PHIP: variants seen among roughly 807,000 people sequenced by gnomAD.
PHIP encodes PH-interacting protein.
A neutral mutation model predicts 236.8 loss-of-function variants in PHIP; 54 were observed. The ratio of observed to expected loss-of-function variants is 0.23; its 90% CI spans 0.18 to 0.29. The LOEUF is 0.29. Among genes scored for constraint, PHIP ranks in the 10% least tolerant of loss-of-function variants. PHIP has a pLI of 1.00. For synonymous variants in PHIP, 756 were observed against 718.9 expected, an observed-to-expected ratio of 1.05 and a Z score of -0.83; for missense variants, 1,370 against 2,190.8, an observed-to-expected ratio of 0.63 and a Z score of 7.48.
At chr6:79,065,893 T>A (rs1162819618) in intron 4 of PHIP, among the ~76,000 whole-genome samples, 1 of 152,074 alleles carries the variant, frequency 6.6e-6, no homozygotes, top group Non-Finnish European at 1.5e-5. Context: ...ATATTCATAT[T>A]CTTCATAAAT....
chr6:78,946,177 A>G lies in PHIP; in HGVS notation c.4454T>C (p.Ile1485Thr), dbSNP rs1373850354. The G allele has an allele frequency of 6.2e-7, 1 of 1,613,948 alleles. No homozygotes were observed. ...TSAFSTPTRSIPPRHNAAQIN... is the reference protein window; with the variant it reads ...TSAFSTPTRSTPPRHNAAQIN... Reference sequence around the variant, plus strand: ...CTGAGCAGCATTGTGTCTTGGCGGTATTGATCGTGTAGGTGTAGAGAATGC... The same window carrying G: ...CTGAGCAGCATTGTGTCTTGGCGGTGTTGATCGTGTAGGTGTAGAGAATGC... Residue 1485 changes from isoleucine (I) to threonine (T), a missense_variant, in exon 38 of 40, where the codon ATA (isoleucine) becomes ACA (threonine). Physicochemically the swap from Ile to Thr is moderately conservative, Grantham distance 89 (BLOSUM62 -1). Transcript: ENST00000275034.
At chr6:79,060,858 C>T (rs773665449) in intron 4 of PHIP, 40 bp from the exon 5 acceptor site, 1 of 1,348,180 alleles carries the variant, frequency 7.4e-7, no homozygotes, top group Admixed American at 2.5e-5. Context: ...TTCAGTTTAT[C>T]ATTTTAATTT....
chr6:79,014,119 G>A (rs1351077473), intron 15 of PHIP, among the ~76,000 whole-genome samples: 2 of 145,900 alleles, frequency 1.4e-5, no homozygotes, highest in African/African-American at 5.0e-5. Context: ...CTTAAAGATA[G>A]CTAAAGCTAT....
chr6:79,039,830 T>G (rs1455050488), intron 7 of PHIP, among the ~76,000 whole-genome samples: 3 of 152,076 alleles, frequency 2.0e-5, no homozygotes, highest in Non-Finnish European at 4.4e-5. Context: ...TAAAAAACAT[T>G]AAAAGGCTAA....
intron 19 of PHIP, among the ~76,000 whole-genome samples, chr6:78,991,273 C>T (rs1373125854): frequency 6.6e-6 from 1 of 151,214 alleles, no homozygotes; most frequent in South Asian, 2.1e-4. Flanking sequence ...TGTGGTGATT[C>T]CTAGGGTAAT....
chr6:78,974,674 A>G (rs1334555135), intron 24 of PHIP, among the ~76,000 whole-genome samples: 1 of 152,238 alleles, frequency 6.6e-6, no homozygotes, highest in Non-Finnish European at 1.5e-5. Flanking sequence ...GATGCAATAA[A>G]AAATGATAAA....
At chr6:79,003,950 C>A in intron 15 of PHIP, 92 bp from the exon 16 acceptor site, 1 of 773,708 alleles carries the variant, frequency 1.3e-6, no homozygotes, top group South Asian at 2.3e-5. Context: ...TAAAAGCATA[C>A]ATCCTAATGA....
rs1469184499 is a variant in PHIP at position 78,972,396 on chromosome 6, A to C, written c.2890-1508T>G. Among the ~76,000 whole-genome samples, 5 of 152,224 alleles carry C rather than the reference A, an allele frequency of 3.3e-5. No homozygotes were observed. The South Asian group carries it at 8.3e-4, about 25-fold the overall frequency. ...CATCTGTACATCACCATCATCAAAG[A>C]CAAAAAGTAGATAAAACCACAAAGA... On this transcript the variant is annotated intron_variant, in intron 24 of 39. Coordinates refer to ENST00000275034, the MANE Select transcript of PHIP (RefSeq NM_017934.7).
intron 9 of PHIP, among the ~76,000 whole-genome samples, chr6:79,023,106 C>T (rs1771204869): frequency 6.6e-6 from 1 of 152,174 alleles, no homozygotes; most frequent in African/African-American, 2.4e-5. Flanking sequence ...AAGACAGGAT[C>T]TTGGCCCTGT....
intron 35 of PHIP, among the ~76,000 whole-genome samples, chr6:78,952,580 C>T (rs531935783): frequency 6.6e-6 from 1 of 152,038 alleles, no homozygotes; most frequent in Non-Finnish European, 1.5e-5. Flanking sequence ...CTACCTCTTA[C>T]CCTCTCCTTC....
rs756219654 is a variant in PHIP at position 79,026,116 on chromosome 6, A to G, written c.649T>C (p.Leu217=). 2.5e-6 allele frequency: 4 copies of G among 1,614,026 alleles called. No homozygotes were observed. Among genetic ancestry groups the G allele is most frequent in the Middle Eastern group, 3.3e-4 (2 of 6,060 alleles). Residue 217 remains leucine (L), a synonymous_variant, in exon 8 of 40, where the codon TTG becomes CTG. Transcript: ENST00000275034. The part of the protein sequence containing the change: ...VKIWATDDGR[L]LATLRGHAAE... ...GCATGTCCTCTTAAGGTAGCTAACA[A>G]CCTCCCATCATCTGTTGCCCATATT...
chr6:79,067,520 G>A (rs551636198), intron 4 of PHIP, among the ~76,000 whole-genome samples: 11 of 152,182 alleles, frequency 7.2e-5, no homozygotes, highest in African/African-American at 9.6e-5. Flanking sequence ...ACCATCATAT[G>A]GTAAATATTT....
chr6:78,973,453 G>A (rs1582141828), intron 24 of PHIP, among the ~76,000 whole-genome samples: 1 of 134,702 alleles, frequency 7.4e-6, no homozygotes, highest in Middle Eastern at 3.2e-3. Context: ...TCGAGACTAG[G>A]AAGAAACTGC....
chr6:78,994,214 T>G (rs965401205), intron 19 of PHIP, among the ~76,000 whole-genome samples: 19 of 152,186 alleles, frequency 1.2e-4, no homozygotes, highest in Non-Finnish European at 2.5e-4. Flanking sequence ...ACAAAGAGGT[T>G]TCTTGAGGGA....
chr6:78,953,078 A>T (rs1373610870), intron 35 of PHIP, among the ~76,000 whole-genome samples: 1 of 151,688 alleles, frequency 6.6e-6, no homozygotes, highest in Non-Finnish European at 1.5e-5. Flanking sequence ...TCAGTTAAGG[A>T]TTAACATTTT....
chr6:78,994,121 T>G (rs1769453621), intron 19 of PHIP, among the ~76,000 whole-genome samples: 1 of 152,166 alleles, frequency 6.6e-6, no homozygotes, highest in Non-Finnish European at 1.5e-5. Context: ...GAACTATAAT[T>G]AGAAGCGGCA....
Position 78,963,207 on chromosome 6 carries a change from C to T in PHIP, c.3425G>A (p.Gly1142Asp). The T allele has an allele frequency of 6.2e-7, 1 of 1,609,024 alleles. No homozygotes were observed. The highest frequency in any genetic ancestry group is 8.5e-7 in the Non-Finnish European group (1 of 1,177,752). ...ELGTSVPLTDGECRSLIYKPL... is the reference protein window; with the variant it reads ...ELGTSVPLTDDECRSLIYKPL... Reference sequence around the variant, plus strand: ...TTTATAGATTAGTGATCTGCACTCACCATCAGTTAAAGGAACACTGGTACC... The same window carrying T: ...TTTATAGATTAGTGATCTGCACTCATCATCAGTTAAAGGAACACTGGTACC... The change falls in exon 30 of 40, where the codon GGT becomes GAT. Residue 1142 changes from glycine (G) to aspartate (D), a missense_variant. Transcript: ENST00000275034.
chr6:79,010,744 T>A (rs893039136), intron 15 of PHIP, among the ~76,000 whole-genome samples: 1 of 151,822 alleles, frequency 6.6e-6, no homozygotes, highest in Non-Finnish European at 1.5e-5. Context: ...ACATGGGGTC[T>A]ACAAATTCAA....
At chr6:79,000,036 TATA>T (rs1769885630) in intron 17 of PHIP, among the ~76,000 whole-genome samples, 1 of 152,042 alleles carries the variant, frequency 6.6e-6, no homozygotes, top group African/African-American at 2.4e-5. Context: ...AATTTATTAT[TATA>T]ATAACTCAAA....
Sources: allele counts gnomAD v4.1 joint callset (sites outside exome capture counted in the v4.1 genomes callset), GRCh38; gene constraint gnomAD v4.1.1; transcripts MANE v1.5; gene names NCBI Gene and HGNC (gene_info 2026-07-23, HGNC 2026-07-21).